Variants in NOC3L observed in about 807,000 individuals in gnomAD.
NOC3L encodes the protein NOC3 like DNA replication regulator.
Under a neutral mutation model 102.5 loss-of-function variants are expected in NOC3L, and 85 were observed. The observed-to-expected ratio is 0.83, with a 90% CI of 0.70 to 0.99. The LOEUF is 0.99. Among genes scored for constraint, NOC3L ranks in the 50% least tolerant of loss-of-function variants. The probability of loss-of-function intolerance (pLI) is 0.00; values close to 1 mark genes in which losing one functional copy is unlikely to be tolerated. For missense variants in NOC3L, 878 were observed against 914.9 expected (o/e 0.96, Z 0.52); for synonymous variants, 303 against 309.4 (o/e 0.98, Z 0.22).
chr10:94,360,128 C>T (rs1395692304), intron 2 of NOC3L, among the ~76,000 whole-genome samples: 1 of 152,064 alleles, frequency 6.6e-6, no homozygotes, highest in Non-Finnish European at 1.5e-5. Flanking sequence ...CCATCCCAGC[C>T]AACATGGTGA....
At chr10:94,359,963 A>G (rs1462730338) in intron 2 of NOC3L, among the ~76,000 whole-genome samples, 1 of 152,226 alleles carries the variant, frequency 6.6e-6, no homozygotes, top group African/African-American at 2.4e-5. Flanking sequence ...TTCATTCAGC[A>G]CTATCCACAA....
intron 4 of NOC3L, among the ~76,000 whole-genome samples, 200 bp downstream of exon 4, chr10:94,356,974 T>G (rs1254839631): frequency 9.2e-5 from 14 of 152,164 alleles, no homozygotes; most frequent in Non-Finnish European, 7.4e-5. Flanking sequence ...ACCTTGTAGC[T>G]TCAGTTGTCC....
At chr10:94,341,859 TATGA>T in intron 13 of NOC3L, 114 bp from the exon 14 acceptor site, 1 of 562,734 alleles carries the variant, frequency 1.8e-6, no homozygotes, top group Non-Finnish European at 3.0e-6. Flanking sequence ...AAATGTTAGC[TATGA>T]AAGACATGGC....
intron 2 of NOC3L, among the ~76,000 whole-genome samples, chr10:94,358,450 G>A (rs2054514353): frequency 6.6e-6 from 1 of 152,156 alleles, no homozygotes; most frequent in Non-Finnish European, 1.5e-5. Context: ...TGTCGTACTG[G>A]GATGTTCTGA....
Position 94,358,099 on chromosome 10 carries a change from T to G in NOC3L, c.334A>C (p.Arg112=), listed in dbSNP as rs144620406. 6.2e-4 allele frequency: 985 copies of G among 1,594,842 alleles called. 2 individuals carry two copies. The African/African-American group carries it at 0.012, about 20-fold the overall frequency. Residue 112 remains arginine, a synonymous_variant, in exon 3 of 21, where the codon AGA becomes CGA. Transcript: ENST00000371361. The stretch of plus-strand genomic sequence containing the variant: ...AAGTATTACCTAGAAGAAAGATCTC[T>G]TGTTAGAAAAGATACTCTTTGTCCT... ...DLGQRVSFLT[R]DLSSSEPVHA... is the part of the protein sequence containing the mutation.
intron 2 of NOC3L, 68 bp downstream of exon 2, chr10:94,361,596 GT>G (rs2054551667): frequency 1.3e-6 from 2 of 1,492,144 alleles, no homozygotes; most frequent in Non-Finnish European, 1.9e-6. Flanking sequence ...AGAAAGCAAA[GT>G]TATTTCCATG....
intron 10 of NOC3L, 57 bp from the exon 11 acceptor site, chr10:94,346,613 A>T: frequency 9.7e-7 from 1 of 1,030,326 alleles, no homozygotes; most frequent in South Asian, 2.2e-5. Flanking sequence ...GCCCTCAAAA[A>T]CTTTACATAG....
chr10:94,351,810 G>T (rs996961918), intron 8 of NOC3L, among the ~76,000 whole-genome samples: 1 of 151,716 alleles, frequency 6.6e-6, no homozygotes, highest in Non-Finnish European at 1.5e-5. Flanking sequence ...TTACAGGTGT[G>T]ACCCACCACG....
At chr10:94,325,117 A>G in the NOC3L span, 1 of 1,559,854 alleles carries the variant, frequency 6.4e-7, no homozygotes, top group Non-Finnish European at 8.8e-7. Context: ...ATAGTAAGTC[A>G]TTGCACCATC....
At chr10:94,341,437 A>C (rs2054283991) in intron 14 of NOC3L, among the ~76,000 whole-genome samples, 1 of 151,544 alleles carries the variant, frequency 6.6e-6, no homozygotes, top group African/African-American at 2.4e-5. Context: ...AATTTAAAAA[A>C]AAAAAAAAGA....
Position 94,356,649 on chromosome 10 carries a change from A to G in NOC3L, c.509-58T>C, listed in dbSNP as rs1011885210. On this transcript the variant is annotated intron_variant, in intron 4 of 20. Coordinates refer to ENST00000371361, the MANE Select transcript of NOC3L (RefSeq NM_022451.11). The stretch of plus-strand genomic sequence containing the variant: ...TATATACTTAAGTGGTAAAAACTGT[A>G]AAGAAATGCTAGGAGGTGATTACGA... 1.9e-5 allele frequency: 20 copies of G among 1,033,624 alleles called. No homozygotes were observed. The South Asian group carries it at 2.1e-4, about 11-fold the overall frequency. 64.0% of individuals were successfully genotyped at this position (1,033,624 alleles called of 1,614,324 possible). A position where few individuals can be genotyped will look rare whatever the true frequency, so the allele number is the denominator to read the frequency against.
chr10:94,355,837 T>C (rs963149030), intron 5 of NOC3L, among the ~76,000 whole-genome samples: 1 of 152,192 alleles, frequency 6.6e-6, no homozygotes, highest in Admixed American at 6.5e-5. Context: ...AAACTAATAC[T>C]TCATAGTTTT....
chr10:94,358,440 T>C (rs1274466687), intron 2 of NOC3L, among the ~76,000 whole-genome samples: 2 of 152,222 alleles, frequency 1.3e-5, no homozygotes, highest in African/African-American at 2.4e-5. Flanking sequence ...AACAATTCTT[T>C]GTCGTACTGG....
At chr10:94,342,577 C>CAA (rs1488680528) in intron 13 of NOC3L, among the ~76,000 whole-genome samples, 1 of 151,706 alleles carries the variant, frequency 6.6e-6, no homozygotes, top group African/African-American at 2.4e-5. Flanking sequence ...CACACACACA[C>CAA]ACACACACGT....
chr10:94,359,866 C>T (rs571701007), intron 2 of NOC3L, among the ~76,000 whole-genome samples: 53 of 152,098 alleles, frequency 3.5e-4, no homozygotes, highest in Non-Finnish European at 6.3e-4. Context: ...AATGGAACTA[C>T]TATATAATCC....
the NOC3L span, chr10:94,315,401 AC>A: frequency 2.2e-6 from 1 of 455,960 alleles, no homozygotes; most frequent in Non-Finnish European, 4.4e-6. Context: ...CGGGAAGGCA[AC>A]AAAGGGAGTT....
At chr10:94,322,121 T>C in the NOC3L span, 1 of 1,454,050 alleles carries the variant, frequency 6.9e-7, no homozygotes, top group South Asian at 1.1e-5. Context: ...GGAACAAATG[T>C]CTGTGCACTG....
At chr10:94,355,645 T>G (rs557601107) in intron 5 of NOC3L, among the ~76,000 whole-genome samples, 2 of 152,190 alleles carry the variant, frequency 1.3e-5, no homozygotes, top group South Asian at 4.1e-4. Context: ...CACCTCAGCA[T>G]CCCAAAGTGC....
At chr10:94,330,139 G>A (rs1250142782), downstream of NOC3L, 1 of 148,870 alleles carries the variant, frequency 6.7e-6, no homozygotes, top group Non-Finnish European at 1.5e-5. Flanking sequence ...CGTCTCTTTA[G>A]GTTTATCACA....
Sources: gnomAD v4.1 joint callset for allele counts (sites outside exome capture counted in the v4.1 genomes callset) on GRCh38, gnomAD v4.1.1 for gene constraint, MANE v1.5 for transcripts, NCBI Gene and HGNC (gene_info 2026-07-23, HGNC 2026-07-21) for gene names.